The following SNX29 variants were observed in gnomAD, a reference collection of about 807,000 sequenced individuals.
SNX29 encodes the protein sorting nexin-29.
Under a neutral mutation model 102.1 loss-of-function variants are expected in SNX29, and 78 were observed. The observed-to-expected ratio is 0.76, with a 90% CI of 0.64 to 0.92. The LOEUF (loss-of-function observed/expected upper bound fraction) is 0.92. Among genes scored for constraint, SNX29 ranks in the 40% least tolerant of loss-of-function variants. SNX29 has a pLI of 0.00. For synonymous variants in SNX29, 580 were observed against 414.5 expected (o/e 1.40, Z -4.85); for missense variants, 1,280 against 1,061.7 (o/e 1.21, Z -2.86).
intron 20 of SNX29, among the ~76,000 whole-genome samples, chr16:12,540,342 G>T (rs960562116): frequency 4.6e-5 from 7 of 152,138 alleles, no homozygotes; most frequent in Non-Finnish European, 7.4e-5. Context: ...GATTAAAGAG[G>T]AACGTTATCC....
intron 18 of SNX29, among the ~76,000 whole-genome samples, chr16:12,473,891 G>A (rs7190324): frequency 0.19 from 28,717 of 152,090 alleles, 3,606 homozygotes; most frequent in African/African-American, 0.36. Flanking sequence ...TTAGCATATA[G>A]TCAGGAAATA....
chr16:12,489,823 C>T (rs567693745), intron 19 of SNX29, among the ~76,000 whole-genome samples: 1 of 150,988 alleles, frequency 6.6e-6, no homozygotes, highest in African/African-American at 2.4e-5. Flanking sequence ...TCTTTTTTTT[C>T]GAGATTGCGT....
At chr16:12,107,098 G>T (rs973856661) in intron 11 of SNX29, among the ~76,000 whole-genome samples, 2 of 152,216 alleles carry the variant, frequency 1.3e-5, no homozygotes, top group Non-Finnish European at 2.9e-5. Context: ...GATTCCAGGT[G>T]CGGGCCACGG....
intron 8 of SNX29, chr16:12,052,433 T>C: frequency 2.1e-6 from 1 of 478,484 alleles, no homozygotes. Context: ...GCCAGGCTGG[T>C]CTCAAACTCC....
At chr16:12,023,437 G>C (rs1213572717) in intron 3 of SNX29, among the ~76,000 whole-genome samples, 1 of 147,452 alleles carries the variant, frequency 6.8e-6, no homozygotes, top group African/African-American at 2.5e-5. Context: ...AAGTAGCTGC[G>C]CATGGTAGTG....
intron 18 of SNX29, among the ~76,000 whole-genome samples, chr16:12,430,680 G>T (rs28628495): frequency 0.011 from 1,732 of 152,254 alleles, 46 homozygotes; most frequent in African/African-American, 0.04. Flanking sequence ...ATACATGACA[G>T]GCTTTATTGT....
chr16:12,230,407 G>GA (rs1347349626), intron 14 of SNX29, among the ~76,000 whole-genome samples: 2 of 152,210 alleles, frequency 1.3e-5, no homozygotes, highest in East Asian at 3.8e-4. Context: ...TAGTACTGAG[G>GA]AAAGATGCCT....
At chr16:12,496,529 T>A (rs28555537) in intron 19 of SNX29, among the ~76,000 whole-genome samples, 4 of 139,770 alleles carry the variant, frequency 2.9e-5, no homozygotes, top group Admixed American at 1.4e-4. Context: ...TTTTTTTTTT[T>A]AAACCTAGTC....
chr16:12,308,506 A>G (rs1374426580), intron 15 of SNX29, among the ~76,000 whole-genome samples: 2 of 152,096 alleles, frequency 1.3e-5, no homozygotes, highest in Non-Finnish European at 2.9e-5. Flanking sequence ...CAGGTCACTC[A>G]TGCCAGGTGG....
chr16:12,476,093 G>C (rs1442361184), intron 18 of SNX29, among the ~76,000 whole-genome samples: 1 of 151,848 alleles, frequency 6.6e-6, no homozygotes, highest in African/African-American at 2.4e-5. Flanking sequence ...GGCCAAGGCA[G>C]GCAGATCATC....
At chr16:12,551,531 C>G (rs1304938649) in intron 20 of SNX29, among the ~76,000 whole-genome samples, 5 of 152,142 alleles carry the variant, frequency 3.3e-5, no homozygotes, top group South Asian at 2.1e-4. Flanking sequence ...TTAAAGTTCC[C>G]CAGGTAATTC....
intron 3 of SNX29, among the ~76,000 whole-genome samples, chr16:12,013,987 G>C (rs575072012): frequency 5.3e-5 from 8 of 151,926 alleles, no homozygotes; most frequent in Middle Eastern, 3.4e-3. Context: ...TTTTAAAGAC[G>C]GGTCTTGTTA....
At chr16:12,276,415 G>C (rs556947269) in intron 14 of SNX29, among the ~76,000 whole-genome samples, 3 of 152,170 alleles carry the variant, frequency 2.0e-5, no homozygotes, top group Non-Finnish European at 4.4e-5. Flanking sequence ...GGCTCTAACA[G>C]TGTGGTCTGA....
chr16:12,161,145 G>T (rs571395360), intron 13 of SNX29, among the ~76,000 whole-genome samples: 1 of 152,148 alleles, frequency 6.6e-6, no homozygotes, highest in Non-Finnish European at 1.5e-5. Context: ...ACCTCGTCAC[G>T]TTCTGCGGTT....
At chr16:12,283,703 G>A (rs1383238504) in intron 15 of SNX29, among the ~76,000 whole-genome samples, 2 of 152,222 alleles carry the variant, frequency 1.3e-5, no homozygotes, top group Admixed American at 1.3e-4. Flanking sequence ...TTACAAAAAT[G>A]AATGGGACGC....
chr16:12,502,025 G>C (rs2089149752), intron 19 of SNX29, among the ~76,000 whole-genome samples: 1 of 152,128 alleles, frequency 6.6e-6, no homozygotes, highest in South Asian at 2.1e-4. Context: ...AGGTTTTACT[G>C]CCACTGCAAT....
intron 20 of SNX29, among the ~76,000 whole-genome samples, chr16:12,563,280 C>T: frequency 6.6e-6 from 1 of 152,108 alleles, no homozygotes; most frequent in Non-Finnish European, 1.5e-5. Context: ...ACGTCGGGTT[C>T]TGGATCCACA....
At chr16:12,418,420 G>C (rs1014276808) in intron 18 of SNX29, among the ~76,000 whole-genome samples, 1 of 152,110 alleles carries the variant, frequency 6.6e-6, no homozygotes, top group Admixed American at 6.5e-5. Flanking sequence ...GGGTGAGAAG[G>C]AGAAAGGGAC....
chr16:12,491,164 C>A (rs1597588755), intron 19 of SNX29, among the ~76,000 whole-genome samples: 1 of 152,242 alleles, frequency 6.6e-6, no homozygotes, highest in African/African-American at 2.4e-5. Context: ...TTTATGTACT[C>A]TCTCTTTGAT....
Sources: allele counts gnomAD v4.1 joint callset (sites outside exome capture counted in the v4.1 genomes callset), GRCh38; gene constraint gnomAD v4.1.1; transcripts MANE v1.5; gene names NCBI Gene and HGNC (gene_info 2026-07-23, HGNC 2026-07-21).